Variants in HUS1 observed in about 807,000 individuals in gnomAD.
HUS1 encodes checkpoint protein HUS1.
Under a neutral mutation model 32.6 loss-of-function variants are expected in HUS1, and 31 were observed. The observed-to-expected ratio is 0.95, with a 90% confidence interval of 0.72 to 1.28. The LOEUF is 1.28. Ranked by LOEUF, HUS1 falls within the 50% of genes most tolerant of loss-of-function variation. The pLI is 0.00. For synonymous variants in HUS1, 123 were observed against 116.6 expected, an observed-to-expected ratio of 1.06 and a Z score of -0.36; for missense variants, 340 against 337.7, an observed-to-expected ratio of 1.01 and a Z score of -0.05.
intron 1 of HUS1, 172 bp downstream of exon 1, chr7:47,979,296 G>A (rs1788775279): frequency 9.8e-6 from 2 of 204,268 alleles, no homozygotes; most frequent in Non-Finnish European, 2.0e-5. Context: ...CCCGCCCCGC[G>A]CCCTCCCGGC....
rs1447647138 is a variant in HUS1 at position 47,964,699 on chromosome 7, T to C, written c.*657A>G. ...AAACTGGCCCCAGGAAGAAACTAGT[T>C]GGAATGGCAGAAGGAGCTCCCAGCT... is the stretch of plus-strand genomic sequence containing the variant. On this transcript the variant is annotated 3_prime_UTR_variant, in exon 8 of 8. Transcript: ENST00000258774. 3 of 152,108 alleles carry C rather than the reference T, an allele frequency of 2.0e-5. No homozygotes were observed. The highest frequency in any genetic ancestry group is 4.4e-5 in the Non-Finnish European group (3 of 68,052). The allele number at this position is 152,108 out of a possible 1,614,324, so 9.4% of individuals were successfully genotyped here. A position where few individuals can be genotyped will look rare whatever the true frequency, so the allele number is the denominator to read the frequency against.
intron 1 of HUS1, 85 bp from the exon 2 acceptor site, chr7:47,978,901 A>G: frequency 7.2e-7 from 1 of 1,397,758 alleles, no homozygotes; most frequent in Non-Finnish European, 9.9e-7. Context: ...TTTCTTGTTC[A>G]TCAACTTCTC....
At chr7:47,976,686 C>A (rs1359727486) in intron 4 of HUS1, 44 bp downstream of exon 4, 1 of 1,027,586 alleles carries the variant, frequency 9.7e-7, no homozygotes, top group Non-Finnish European at 1.5e-6. Context: ...TCAAGTCATG[C>A]CATTTAATGT....
Position 47,978,710 on chromosome 7 carries a change from G to A in HUS1, c.159C>T (p.Ser53=). ...TCACCTGTTCCAGCTCACACCACAT[G>A]CTCACTCCTCCATTAGCCAGCTTGT... ...LCDKLANGGV[S]MWCELEQENF... Residue 53 remains serine (S), a synonymous_variant, in exon 2 of 8, where the codon AGC becomes AGT. Transcript: ENST00000258774. The A allele has an allele frequency of 1.2e-6, 2 of 1,614,134 alleles. No individual in the cohort carries two copies. The highest frequency in any genetic ancestry group is 2.2e-5 in the East Asian group (1 of 44,890).
At chr7:47,975,312 T>C (rs1788678211) in intron 5 of HUS1, among the ~76,000 whole-genome samples, 1 of 138,578 alleles carries the variant, frequency 7.2e-6, no homozygotes, top group Admixed American at 7.3e-5. Context: ...AGTGAGACTC[T>C]GTCTCAAAAA....
chr7:47,969,199 TA>T lies in HUS1; in HGVS notation c.640+19del, dbSNP rs1788543580. ...CAATTAACTTATCCAAAGCAAAATA[TA>T]ACCCACTAGAAAACTTACCTAATGG... On this transcript the variant is annotated intron_variant, in intron 6 of 7. Transcript: ENST00000258774. 1 of 1,245,356 alleles carries T rather than the reference TA, an allele frequency of 8.0e-7. No homozygotes were observed. Among genetic ancestry groups the T allele is most frequent in the South Asian group, 1.3e-5 (1 of 78,812 alleles). The allele number at this position is 1,245,356 out of a possible 1,614,324, so 77.1% of individuals were successfully genotyped here. A position where few individuals can be genotyped will look rare whatever the true frequency, so the allele number is the denominator to read the frequency against.
chr7:47,974,941 C>T lies in HUS1; in HGVS notation c.540+672G>A, dbSNP rs143940871. The stretch of plus-strand genomic sequence containing the variant: ...CTGGCTCACTGAAAGACACTTGGCA[C>T]GCAGACAGGAAACTCCAAACTCACT... On this transcript the variant is annotated intron_variant, in intron 5 of 7. Coordinates refer to ENST00000258774, the MANE Select transcript of HUS1 (RefSeq NM_004507.4). Among the ~76,000 whole-genome samples the T allele has an allele frequency of 6.5e-3, 997 of 152,242 alleles. 9 individuals are homozygous for T. Among genetic ancestry groups the T allele is most frequent in the African/African-American group, 0.012 (487 of 41,530 alleles).
intron 5 of HUS1, among the ~76,000 whole-genome samples, chr7:47,972,000 A>C (rs1303294795): frequency 1.3e-5 from 2 of 152,246 alleles, no homozygotes; most frequent in African/African-American, 4.8e-5. Flanking sequence ...CCTGTTGTAT[A>C]ATCTACTTTG....
At chr7:47,974,127 CATTT>C (rs1342270483) in intron 5 of HUS1, among the ~76,000 whole-genome samples, 4 of 152,212 alleles carry the variant, frequency 2.6e-5, no homozygotes, top group Non-Finnish European at 5.9e-5. Context: ...GTCAAATGTA[CATTT>C]TCTAGGCTTC....
chr7:47,965,661 C>T (rs900158293), intron 7 of HUS1, among the ~76,000 whole-genome samples: 5 of 152,272 alleles, frequency 3.3e-5, no homozygotes, highest in South Asian at 2.1e-4. Context: ...AAAAGTGAAG[C>T]GGCCCAAGCC....
chr7:47,978,770 G>C lies in HUS1; in HGVS notation c.99C>G (p.Arg33=). 12 of 1,614,236 alleles carry C rather than the reference G, an allele frequency of 7.4e-6. No individual in the cohort carries two copies. Among genetic ancestry groups the C allele is most frequent in the Non-Finnish European group, 9.3e-6 (11 of 1,180,044 alleles). The change falls in exon 2 of 8, where the codon CGC becomes CGG. Residue 33 remains arginine (R), a synonymous_variant. Coordinates refer to ENST00000258774, the MANE Select transcript of HUS1 (RefSeq NM_004507.4). ...TGAAGTTAAGCTTATCAGGGCTGATGCGGAGGGTGCAGGTTTTGGCAAGCT... is the reference window on the plus strand; with the variant it reads ...TGAAGTTAAGCTTATCAGGGCTGATCCGGAGGGTGCAGGTTTTGGCAAGCT... ...IAKLAKTCTL[R]ISPDKLNFIL...
chr7:47,965,467 G>C, intron 7 of HUS1, 29 bp from the exon 8 acceptor site: 1 of 1,481,316 alleles, frequency 6.8e-7, no homozygotes, highest in Non-Finnish European at 9.4e-7. Context: ...TGATTTTAGA[G>C]ACCTAGTGCA....
At chr7:47,975,462 T>C (rs1293847718) in intron 5 of HUS1, 151 bp downstream of exon 5, 17 of 633,528 alleles carry the variant, frequency 2.7e-5, no homozygotes, top group Non-Finnish European at 4.5e-5. Context: ...CAACTAGCAA[T>C]CTGCAGGTTC....
chr7:47,970,744 G>A (rs1377109494), intron 5 of HUS1, among the ~76,000 whole-genome samples: 8 of 152,180 alleles, frequency 5.3e-5, no homozygotes, highest in Admixed American at 3.9e-4. Context: ...AAAATCCCCA[G>A]GGTATTTAGT....
intron 3 of HUS1, among the ~76,000 whole-genome samples, chr7:47,977,277 T>TG (rs1788724864): frequency 6.6e-6 from 1 of 152,040 alleles, no homozygotes. Flanking sequence ...GGTTTCAGGC[T>TG]GGGGAAACAG....
At chr7:47,977,194 A>G (rs942924093) in intron 3 of HUS1, among the ~76,000 whole-genome samples, 2 of 152,148 alleles carry the variant, frequency 1.3e-5, no homozygotes, top group South Asian at 4.2e-4. Context: ...CCTTAGACTG[A>G]GGAGGTGACA....
chr7:47,978,615 A>T (rs775796567), intron 2 of HUS1, 22 bp from the exon 3 acceptor site: 4 of 1,613,372 alleles, frequency 2.5e-6, no homozygotes, highest in Non-Finnish European at 3.4e-6. Flanking sequence ...AAAATGAGGG[A>T]TGAGGGAGGG....
chr7:47,970,514 A>AC, intron 5 of HUS1, among the ~76,000 whole-genome samples: 1 of 152,310 alleles, frequency 6.6e-6, no homozygotes. Context: ...ACAAAGAGTT[A>AC]AAAGGATCTG....
In HUS1 at chr7:47,978,434, T is replaced by G. The variant is rs1788753093; in HGVS notation, c.340A>C (p.Thr114Pro). The part of the protein sequence containing the change: ...KLTNKHFPCL[T>P]VSVELLSMSS... The stretch of plus-strand genomic sequence containing the variant: ...CTACTCACCAGCTCCACGGAGACCG[T>G]GAGGCAGGGAAAGTGTTTATTAGTC... The change falls in exon 3 of 8, where the codon ACG (threonine) becomes CCG (proline). Residue 114 changes from threonine to proline, a missense_variant. Physicochemically the swap from Thr to Pro is conservative, Grantham distance 38. Coordinates refer to ENST00000258774, the MANE Select transcript of HUS1 (RefSeq NM_004507.4). The G allele has an allele frequency of 6.2e-7, 1 of 1,613,974 alleles. No individual in the cohort carries two copies. Among genetic ancestry groups the G allele is most frequent in the Non-Finnish European group, 8.5e-7 (1 of 1,179,926 alleles).
Sources: gnomAD v4.1 joint callset for allele counts (sites outside exome capture counted in the v4.1 genomes callset) on GRCh38, gnomAD v4.1.1 for gene constraint, MANE v1.5 for transcripts, NCBI Gene and HGNC (gene_info 2026-07-23, HGNC 2026-07-21) for gene names.